Variants in ADAMTS3 observed in about 807,000 individuals in gnomAD.
ADAMTS3 encodes ADAM metallopeptidase with thrombospondin type 1 motif 3, also known as A disintegrin and metalloproteinase with thrombospondin motifs 3.
In ADAMTS3, 73 loss-of-function variants were observed where a neutral mutation model predicts 129.0. The ratio of observed to expected loss-of-function variants is 0.57; its 90% CI spans 0.47 to 0.69. The LOEUF (loss-of-function observed/expected upper bound fraction) is 0.69, where lower values mean the gene tolerates loss of function less well. ADAMTS3 is among the 30% of genes least tolerant of loss of function. ADAMTS3 has a pLI of 0.00. For synonymous variants in ADAMTS3, 477 were observed against 510.8 expected (o/e 0.93, Z 0.89); for missense variants, 1,457 against 1,514.5 (o/e 0.96, Z 0.63).
intron 4 of ADAMTS3, among the ~76,000 whole-genome samples, chr4:72,388,761 A>G (rs1259350753): frequency 1.3e-5 from 2 of 152,146 alleles, no homozygotes; most frequent in Admixed American, 6.5e-5. Context: ...GACTCAGCAT[A>G]TAGTCCTGTT....
At position 72,312,364 on chromosome 4, in the gene ADAMTS3, C is replaced by T; in HGVS notation, c.1848G>A (p.Gln616=). 6.2e-7 allele frequency: 1 copy of T among 1,613,832 alleles called. No individual in the cohort carries two copies. The highest frequency in any genetic ancestry group is 8.5e-7 in the Non-Finnish European group (1 of 1,179,804). Residue 616 remains glutamine (Q), a synonymous_variant, in exon 13 of 22, where the codon CAG becomes CAA. Transcript: ENST00000286657. ...QKHFEDFRAQ[Q]CQQRNSHFEY... ...CAAAGTGGGAGTTTCGCTGCTGACA[C>T]TGCTGTGCTCTGAAGTCCTCAAAGT...
chr4:72,440,619 G>A (rs550194860), intron 3 of ADAMTS3, among the ~76,000 whole-genome samples: 2 of 151,714 alleles, frequency 1.3e-5, no homozygotes, highest in Non-Finnish European at 2.9e-5. Flanking sequence ...CACACTTTTC[G>A]TAACAGGCAC....
intron 4 of ADAMTS3, among the ~76,000 whole-genome samples, chr4:72,360,872 C>T (rs760145191): frequency 6.6e-6 from 1 of 152,000 alleles, no homozygotes; most frequent in Non-Finnish European, 1.5e-5. Flanking sequence ...TAATTCCTCC[C>T]TATTTTTCCT....
intron 3 of ADAMTS3, among the ~76,000 whole-genome samples, chr4:72,531,527 G>T (rs1161261991): frequency 6.6e-6 from 1 of 152,086 alleles, no homozygotes; most frequent in Non-Finnish European, 1.5e-5. Flanking sequence ...TGCAGGAGAG[G>T]GTTGGGTAAA....
At chr4:72,486,406 G>A (rs145116833) in intron 3 of ADAMTS3, among the ~76,000 whole-genome samples, 113 of 152,256 alleles carry the variant, frequency 7.4e-4, no homozygotes, top group East Asian at 3.5e-3. Context: ...GTACAGAGAG[G>A]CCTATCTGGC....
chr4:72,424,906 T>C (rs2200042), intron 3 of ADAMTS3, among the ~76,000 whole-genome samples: 101,478 of 151,932 alleles, frequency 0.67, 34,078 homozygotes, highest in South Asian at 0.79. Context: ...TCTTCTTTTA[T>C]TTTCTCTTCT....
At chr4:72,496,910 C>T (rs924600165) in intron 3 of ADAMTS3, among the ~76,000 whole-genome samples, 20 of 151,974 alleles carry the variant, frequency 1.3e-4, no homozygotes, top group African/African-American at 4.8e-4. Flanking sequence ...AAAAATCCTC[C>T]ATTTTGATAC....
chr4:72,382,343 T>C (rs1448724530), intron 4 of ADAMTS3, among the ~76,000 whole-genome samples: 2 of 152,030 alleles, frequency 1.3e-5, no homozygotes, highest in African/African-American at 2.4e-5. Flanking sequence ...CATATAATTA[T>C]ATCTAATGAC....
chr4:72,333,848 C>CCTT (rs1719915290), intron 5 of ADAMTS3, among the ~76,000 whole-genome samples: 1 of 99,466 alleles, frequency 1.0e-5, no homozygotes, highest in Non-Finnish European at 1.8e-5. Flanking sequence ...TGTTTGCTTG[C>CCTT]TTTTTTTTTT....
chr4:72,514,574 C>T (rs1394956792), intron 3 of ADAMTS3, among the ~76,000 whole-genome samples: 2 of 152,104 alleles, frequency 1.3e-5, no homozygotes, highest in African/African-American at 4.8e-5. Flanking sequence ...AGCCCATCTA[C>T]CAGCTTTGCC....
intron 3 of ADAMTS3, among the ~76,000 whole-genome samples, chr4:72,461,532 C>A (rs550023904): frequency 1.3e-5 from 2 of 151,690 alleles, no homozygotes; most frequent in Non-Finnish European, 2.9e-5. Context: ...TGGATATAAG[C>A]AACTAATAGA....
chr4:72,410,320 C>G (rs1414442912), intron 4 of ADAMTS3, among the ~76,000 whole-genome samples: 1 of 152,138 alleles, frequency 6.6e-6, no homozygotes, highest in African/African-American at 2.4e-5. Context: ...ATGTTTCCCA[C>G]CTGGGACAAA....
chr4:72,422,139 C>T (rs1722462385), intron 3 of ADAMTS3, among the ~76,000 whole-genome samples: 1 of 152,064 alleles, frequency 6.6e-6, no homozygotes, highest in African/African-American at 2.4e-5. Flanking sequence ...CTAAGTACTA[C>T]TATTATTTAT....
intron 3 of ADAMTS3, among the ~76,000 whole-genome samples, chr4:72,477,033 A>C (rs1288973338): frequency 6.6e-6 from 1 of 152,210 alleles, no homozygotes; most frequent in East Asian, 1.9e-4. Flanking sequence ...AACTTCCTCA[A>C]CTTGACAAAA....
rs1051971427 is a variant in ADAMTS3 at position 72,281,083 on chromosome 4, C to A, written c.*2053G>T. On this transcript the variant is annotated 3_prime_UTR_variant, in exon 22 of 22. Transcript: ENST00000286657. ...TTAGTAGAAAAGAAAGCCCAAAGGTCAGAAGTATAATGAATATGTACATCT... is the reference window on the plus strand; with the variant it reads ...TTAGTAGAAAAGAAAGCCCAAAGGTAAGAAGTATAATGAATATGTACATCT... 3 of 152,484 alleles carry A rather than the reference C, an allele frequency of 2.0e-5. No homozygotes were observed. Among genetic ancestry groups the A allele is most frequent in the African/African-American group, 7.2e-5 (3 of 41,408 alleles). The allele number at this position is 152,484 out of a possible 1,614,324, so 9.4% of individuals were successfully genotyped here.
chr4:72,443,634 T>C (rs1718175274), intron 3 of ADAMTS3, among the ~76,000 whole-genome samples: 1 of 151,442 alleles, frequency 6.6e-6, no homozygotes, highest in African/African-American at 2.4e-5. Flanking sequence ...TAAATTAATG[T>C]AATTTTAAAA....
chr4:72,292,259 T>A (rs1490031261), intron 19 of ADAMTS3, among the ~76,000 whole-genome samples: 1 of 152,242 alleles, frequency 6.6e-6, no homozygotes, highest in East Asian at 1.9e-4. Context: ...ATACACCTCA[T>A]GTCTTTTTCT....
chr4:72,347,479 T>C (rs554790792), intron 4 of ADAMTS3, among the ~76,000 whole-genome samples: 3 of 152,116 alleles, frequency 2.0e-5, no homozygotes, highest in African/African-American at 7.2e-5. Context: ...AGACTACATA[T>C]TCTGTTTTAT....
intron 3 of ADAMTS3, among the ~76,000 whole-genome samples, chr4:72,542,566 A>G (rs1229170924): frequency 6.6e-6 from 1 of 152,230 alleles, no homozygotes; most frequent in Admixed American, 6.5e-5. Context: ...ACCATTCTGG[A>G]CCAGAATTTG....
Sources: allele counts gnomAD v4.1 joint callset (sites outside exome capture counted in the v4.1 genomes callset), GRCh38; gene constraint gnomAD v4.1.1; transcripts MANE v1.5; gene names NCBI Gene and HGNC (gene_info 2026-07-23, HGNC 2026-07-21).